MICU2: variants seen among roughly 807,000 people sequenced by gnomAD.
MICU2 encodes the protein calcium uptake protein 2, mitochondrial.
Under a neutral mutation model 60.4 loss-of-function variants are expected in MICU2, and 64 were observed. The ratio of observed to expected loss-of-function variants is 1.06; its 90% CI spans 0.87 to 1.31. The LOEUF (loss-of-function observed/expected upper bound fraction) is 1.31. Ranked by LOEUF, MICU2 falls within the 50% of genes most tolerant of loss-of-function variation. The probability of loss-of-function intolerance (pLI) is 0.00; values close to 1 mark genes in which losing one functional copy is unlikely to be tolerated. For missense variants in MICU2, 569 were observed against 531.0 expected (o/e 1.07, Z -0.70); for synonymous variants, 201 against 175.0 (o/e 1.15, Z -1.17).
In MICU2 at chr13:21,533,109, G is replaced by C. The variant is rs111936608; in HGVS notation, c.466+6193C>G. Among the ~76,000 whole-genome samples the C allele has an allele frequency of 5.4e-3, 822 of 152,226 alleles. 5 individuals carry two copies. The highest frequency in any genetic ancestry group is 0.019 in the African/African-American group (796 of 41,548). On this transcript the variant is annotated intron_variant, in intron 4 of 11. Transcript: ENST00000382374. Reference sequence around the variant, plus strand: ...AAAGATAGCAAAGACAGACAAGATGGATGCAGCTGTAAGATGCAGATGCAA... The same window carrying C: ...AAAGATAGCAAAGACAGACAAGATGCATGCAGCTGTAAGATGCAGATGCAA...
At chr13:21,583,157 A>C (rs2138059959) in intron 1 of MICU2, among the ~76,000 whole-genome samples, 1 of 152,284 alleles carries the variant, frequency 6.6e-6, no homozygotes, top group South Asian at 2.1e-4. Context: ...CGAGAGATTG[A>C]GGAGGGAGGC....
chr13:21,603,896 G>A, intron 1 of MICU2, 43 bp downstream of exon 1: 1 of 1,600,276 alleles, frequency 6.2e-7, no homozygotes, highest in South Asian at 1.1e-5. Flanking sequence ...GTCAGGGGAG[G>A]GAGGAGCTTG....
chr13:21,518,471 T>C (rs1273380933), intron 6 of MICU2, among the ~76,000 whole-genome samples: 2 of 152,224 alleles, frequency 1.3e-5, no homozygotes, highest in African/African-American at 4.8e-5. Context: ...GGGGCTCCGC[T>C]ATGCCCACTT....
intron 2 of MICU2, among the ~76,000 whole-genome samples, chr13:21,563,827 T>TTTTTA (rs1887909871): frequency 6.6e-6 from 1 of 151,654 alleles, no homozygotes; most frequent in African/African-American, 2.4e-5. Flanking sequence ...TTTTTTTTTT[T>TTTTTA]GAGTCAGGGT....
intron 4 of MICU2, chr13:21,531,207 T>C (rs1466771042): frequency 7.2e-6 from 7 of 968,156 alleles, no homozygotes; most frequent in East Asian, 4.8e-5. Context: ...ATTAGAGTTA[T>C]GTGAGATCCT....
intron 1 of MICU2, among the ~76,000 whole-genome samples, chr13:21,571,890 G>C (rs998163385): frequency 2.6e-5 from 4 of 152,166 alleles, no homozygotes; most frequent in Non-Finnish European, 4.4e-5. Context: ...ACAGAGCAAA[G>C]TAACAGCAGC....
intron 4 of MICU2, among the ~76,000 whole-genome samples, chr13:21,533,517 G>C (rs1402080539): frequency 6.6e-6 from 1 of 151,726 alleles, no homozygotes. Context: ...TAGAGACGGG[G>C]TTTCACCGTG....
intron 2 of MICU2, among the ~76,000 whole-genome samples, chr13:21,559,115 G>C (rs911337366): frequency 2.0e-5 from 3 of 152,104 alleles, no homozygotes; most frequent in African/African-American, 7.2e-5. Flanking sequence ...GTTCTTTAAT[G>C]TGCTATACGA....
chr13:21,538,256 C>A (rs1163871656), intron 4 of MICU2, among the ~76,000 whole-genome samples: 1 of 151,856 alleles, frequency 6.6e-6, no homozygotes, highest in Non-Finnish European at 1.5e-5. Flanking sequence ...ATGCATTCAA[C>A]CAACCGTGTA....
At chr13:21,548,818 T>C (rs1036035046) in intron 2 of MICU2, among the ~76,000 whole-genome samples, 5 of 151,060 alleles carry the variant, frequency 3.3e-5, no homozygotes, top group African/African-American at 7.3e-5. Context: ...GAGAGGGAGG[T>C]AGATAGAAGG....
At chr13:21,590,225 T>A (rs1049490157) in intron 1 of MICU2, among the ~76,000 whole-genome samples, 3 of 152,118 alleles carry the variant, frequency 2.0e-5, no homozygotes, top group Non-Finnish European at 4.4e-5. Context: ...GGGAAGCCCA[T>A]CAGACTAACA....
intron 10 of MICU2, 152 bp from the exon 11 acceptor site, chr13:21,495,470 T>A (rs2138125607): frequency 1.4e-6 from 1 of 712,676 alleles, no homozygotes; most frequent in East Asian, 2.8e-5. Context: ...AAGAAAATAT[T>A]CAAACCATAA....
chr13:21,586,065 A>G (rs1888450176), intron 1 of MICU2, among the ~76,000 whole-genome samples: 1 of 152,226 alleles, frequency 6.6e-6, no homozygotes, highest in Non-Finnish European at 1.5e-5. Context: ...GAAGAAAGCC[A>G]TTAGAAGTTT....
At chr13:21,599,180 G>A (rs1308925570) in intron 1 of MICU2, among the ~76,000 whole-genome samples, 2 of 152,152 alleles carry the variant, frequency 1.3e-5, no homozygotes, top group African/African-American at 4.8e-5. Context: ...CAAAAAGGTT[G>A]GGGACCACTG....
intron 1 of MICU2, among the ~76,000 whole-genome samples, chr13:21,584,815 T>A (rs906659710): frequency 6.6e-6 from 1 of 152,206 alleles, no homozygotes. Flanking sequence ...ATACTGCTAC[T>A]ATTAGTGGCT....
At chr13:21,547,077 G>A (rs899177078) in intron 2 of MICU2, among the ~76,000 whole-genome samples, 7 of 152,052 alleles carry the variant, frequency 4.6e-5, no homozygotes, top group Admixed American at 1.3e-4. Flanking sequence ...CTGATCTTAG[G>A]GGCAAAGCAT....
At chr13:21,539,631 C>T in intron 3 of MICU2, 26 bp downstream of exon 3, 2 of 1,613,978 alleles carry the variant, frequency 1.2e-6, no homozygotes, top group Non-Finnish European at 1.7e-6. Flanking sequence ...AAAAACAAAC[C>T]CTGCCCCCCA....
At chr13:21,564,484 G>C (rs1316123432) in intron 2 of MICU2, among the ~76,000 whole-genome samples, 1 of 152,152 alleles carries the variant, frequency 6.6e-6, no homozygotes, top group Non-Finnish European at 1.5e-5. Context: ...TGGTGGTGAG[G>C]TGAAAAGGGA....
At chr13:21,574,903 A>G (rs929570847) in intron 1 of MICU2, among the ~76,000 whole-genome samples, 1 of 152,230 alleles carries the variant, frequency 6.6e-6, no homozygotes, top group Non-Finnish European at 1.5e-5. Flanking sequence ...TTTATTGCAT[A>G]TGAAACAAAA....
Sources: gnomAD v4.1 joint callset for allele counts (sites outside exome capture counted in the v4.1 genomes callset) on GRCh38, gnomAD v4.1.1 for gene constraint, MANE v1.5 for transcripts, NCBI Gene and HGNC (gene_info 2026-07-23, HGNC 2026-07-21) for gene names.